The following ADIRF variants were observed in gnomAD, a reference collection of about 807,000 sequenced individuals.
ADIRF encodes adipogenesis factor rich in obesity.
In ADIRF, 9 loss-of-function variants were observed where a neutral mutation model predicts 7.8. The observed-to-expected ratio is 1.15, with a 90% CI of 0.70 to 2.01. The LOEUF is 2.01. Among genes scored for constraint, ADIRF ranks in the 30% most tolerant of loss-of-function variants. The probability of loss-of-function intolerance (pLI) is 0.00; values close to 1 mark genes in which losing one functional copy is unlikely to be tolerated. For synonymous variants in ADIRF, 48 were observed against 39.9 expected, an observed-to-expected ratio of 1.20 and a Z score of -0.77; for missense variants, 106 against 98.1, an observed-to-expected ratio of 1.08 and a Z score of -0.34.
rs764635445 is a variant in ADIRF, at chr10:86,970,292, C to G, written c.124+30C>G. Reference sequence around the variant, plus strand: ...GGTGGGGCTGGAGGGAGGCGGGCAACCCCAGCACACCTCCCACTCCCCGCC... The same window carrying G: ...GGTGGGGCTGGAGGGAGGCGGGCAAGCCCAGCACACCTCCCACTCCCCGCC... On this transcript the variant is annotated intron_variant, in intron 2 of 2. Transcript: ENST00000372013. 6.8e-5 allele frequency: 101 copies of G among 1,488,292 alleles called. No homozygotes were observed. In the South Asian group the frequency reaches 1.0e-3, roughly 15 times the overall value. 92.2% of individuals were successfully genotyped at this position (1,488,292 alleles called of 1,614,324 possible).
chr10:86,968,686 C>T (rs1844516416), intron 1 of ADIRF, 81 bp downstream of exon 1: 4 of 1,511,022 alleles, frequency 2.6e-6, no homozygotes, highest in Non-Finnish European at 3.6e-6. Flanking sequence ...CGGCGCGGTC[C>T]GCAAGTTCCT....
At chr10:86,970,094 C>A in intron 1 of ADIRF, 106 bp from the exon 2 acceptor site, 2 of 1,137,734 alleles carry the variant, frequency 1.8e-6, no homozygotes, top group Non-Finnish European at 2.3e-6. Flanking sequence ...ATCCCTTGGA[C>A]CTGTACCACC....
Position 86,970,509 on chromosome 10 carries a change from C to G in ADIRF, c.158C>G (p.Thr53Ser). The G allele has an allele frequency of 1.2e-6, 2 of 1,613,738 alleles. No homozygotes were observed. The highest frequency in any genetic ancestry group is 1.7e-6 in the Non-Finnish European group (2 of 1,179,904). The part of the protein sequence containing the change: ...MDQLAKTTQE[T>S]IDKTANQASD... ...CAGCTGGCCAAGACCACCCAGGAAA[C>G]CATCGACAAGACTGCTAACCAGGCC... Residue 53 changes from threonine to serine, a missense_variant, in exon 3 of 3, where the codon ACC becomes AGC. By Grantham distance (58) the Thr-to-Ser change is moderately conservative. Coordinates refer to ENST00000372013, the MANE Select transcript of ADIRF (RefSeq NM_006829.3).
intron 1 of ADIRF, chr10:86,969,635 C>G (rs1844542666): frequency 6.6e-6 from 1 of 152,334 alleles, no homozygotes; most frequent in Non-Finnish European, 1.5e-5. Context: ...GTTTTGCCTC[C>G]TTCCTTCATT....
In ADIRF at chr10:86,968,516, C is replaced by A. The variant is rs768932954; in HGVS notation, c.-29C>A. ...AGGATCCAACGTCGCTCCAGCTGCT[C>A]TTGACGACTCCACAGATACCCCGAA... On this transcript the variant is annotated 5_prime_UTR_variant, in exon 1 of 3. Coordinates refer to ENST00000372013, the MANE Select transcript of ADIRF (RefSeq NM_006829.3). 1 of 1,613,192 alleles carries A rather than the reference C, an allele frequency of 6.2e-7. No homozygotes were observed. The highest frequency in any genetic ancestry group is 8.5e-7 in the Non-Finnish European group (1 of 1,179,650).
In ADIRF at chr10:86,970,513, C is replaced by T. The variant is rs367987618; in HGVS notation, c.162C>T (p.Ile54=). ...DQLAKTTQET[I]DKTANQASDT... is the part of the protein sequence containing the mutation. ...TGGCCAAGACCACCCAGGAAACCAT[C>T]GACAAGACTGCTAACCAGGCCTCTG... Residue 54 remains isoleucine (I), a synonymous_variant, in exon 3 of 3, where the codon ATC becomes ATT. Transcript: ENST00000372013. The T allele has an allele frequency of 4.3e-6, 7 of 1,613,652 alleles. No individual in the cohort carries two copies. The highest frequency in any genetic ancestry group is 5.9e-6 in the Non-Finnish European group (7 of 1,179,908).
At chr10:86,970,083 C>T (rs1286087598) in intron 1 of ADIRF, 117 bp from the exon 2 acceptor site, 2 of 979,008 alleles carry the variant, frequency 2.0e-6, no homozygotes, top group African/African-American at 1.7e-5. Context: ...CCATGGCATC[C>T]ATCCCTTGGA....
rs759286743 is a variant in ADIRF at position 86,968,547 on chromosome 10, GGCAA to G, written c.9_12del (p.Ser3ArgfsTer6). ...GACTCCACAGATACCCCGAAGCCATGGCAAGCAAGGGCTTGCAGGACCTGAAGCA... is the reference window on the plus strand; with the variant it reads ...GACTCCACAGATACCCCGAAGCCATGGCAAGGGCTTGCAGGACCTGAAGCA... On this transcript the variant is annotated frameshift_variant, in exon 1 of 3. Transcript: ENST00000372013. LOFTEE classifies it high-confidence loss of function. The G allele has an allele frequency of 3.7e-6, 6 of 1,613,508 alleles. No homozygotes were observed. The highest frequency in any genetic ancestry group is 2.5e-6 in the Non-Finnish European group (3 of 1,179,836).
At chr10:86,970,343 TC>T in intron 2 of ADIRF, 81 bp downstream of exon 2, 1 of 1,512,054 alleles carries the variant, frequency 6.6e-7, no homozygotes. Context: ...CCCAGGCACA[TC>T]CTCTCCTCTG....
Position 86,970,191 on chromosome 10 carries a change from C to T in ADIRF, c.62-9C>T. 6.9e-7 allele frequency: 1 copy of T among 1,446,740 alleles called. No individual in the cohort carries two copies. The highest frequency in any genetic ancestry group is 9.1e-7 in the Non-Finnish European group (1 of 1,096,408). 89.6% of individuals were successfully genotyped at this position (1,446,740 alleles called of 1,614,324 possible). ...AACAGGGGCTAAAAGCCACATCTCTCTGTTCCAGTGTCAGCGGCCGGAGCG... is the reference window on the plus strand; with the variant it reads ...AACAGGGGCTAAAAGCCACATCTCTTTGTTCCAGTGTCAGCGGCCGGAGCG... On this transcript the variant is annotated splice_polypyrimidine_tract_variant and intron_variant, in intron 1 of 2. Coordinates refer to ENST00000372013, the MANE Select transcript of ADIRF (RefSeq NM_006829.3).
In ADIRF at chr10:86,970,568, G is replaced by T; in HGVS notation, c.217G>T (p.Gly73Cys). 6.2e-7 allele frequency: 1 copy of T among 1,610,134 alleles called. No individual in the cohort carries two copies. ...CTTCTCTGGGATTGGGAAAAAATTC[G>T]GCCTCCTGAAATGACAGCAGGGAGA... ...DTFSGIGKKF[G>C]LLK Residue 73 changes from glycine to cysteine, a missense_variant, in exon 3 of 3, where the codon GGC becomes TGC. Transcript: ENST00000372013.
chr10:86,968,940 C>T (rs1316383685), intron 1 of ADIRF: 10 of 299,736 alleles, frequency 3.3e-5, no homozygotes, highest in Non-Finnish European at 6.1e-5. Flanking sequence ...GGGCGCGGCC[C>T]GCCACCACTT....
rs1395764349 is a variant in ADIRF at position 86,970,643 on chromosome 10, T to TTGGG, written c.*62_*63insGGGT. On this transcript the variant is annotated 3_prime_UTR_variant, in exon 3 of 3. Coordinates refer to ENST00000372013, the MANE Select transcript of ADIRF (RefSeq NM_006829.3). ...AGCAGGGAGACTTGGGTGACCCCCC[T>TTGGG]TCCAGGCGCCATCTAGCACAGCCTG... 7.1e-7 allele frequency: 1 copy of TTGGG among 1,398,678 alleles called. No homozygotes were observed. The highest frequency in any genetic ancestry group is 1.2e-5 in the South Asian group (1 of 81,462). 86.6% of individuals were successfully genotyped at this position (1,398,678 alleles called of 1,614,324 possible).
At chr10:86,970,372 A>C (rs745890893) in intron 2 of ADIRF, 104 bp from the exon 3 acceptor site, 1 of 1,508,432 alleles carries the variant, frequency 6.6e-7, no homozygotes, top group South Asian at 1.2e-5. Flanking sequence ...CTCTGTCCAC[A>C]ATGCCCCAAG....
intron 1 of ADIRF, chr10:86,969,975 G>A (rs1564741604): frequency 2.7e-6 from 1 of 368,616 alleles, no homozygotes; most frequent in Non-Finnish European, 4.8e-6. Context: ...CCCCCACAGA[G>A]AAGGAGCTCA....
At position 86,970,742 on chromosome 10, in the gene ADIRF, A is replaced by G; in HGVS notation, c.*160A>G. On this transcript the variant is annotated 3_prime_UTR_variant, in exon 3 of 3. Transcript: ENST00000372013. ...AAATTCACGTTCCCACCCTGTGTCCACTTCATGATTCCTCGCAAGCTGGGC... is the reference window on the plus strand; with the variant it reads ...AAATTCACGTTCCCACCCTGTGTCCGCTTCATGATTCCTCGCAAGCTGGGC... 1 of 710,044 alleles carries G rather than the reference A, an allele frequency of 1.4e-6. No individual in the cohort carries two copies. Among genetic ancestry groups the G allele is most frequent in the Non-Finnish European group, 2.5e-6 (1 of 393,774 alleles). 44.0% of individuals were successfully genotyped at this position (710,044 alleles called of 1,614,324 possible).
In ADIRF at chr10:86,970,519, G is replaced by T. The variant is rs1348221473; in HGVS notation, c.168G>T (p.Lys56Asn). 6.2e-7 allele frequency: 1 copy of T among 1,613,646 alleles called. No individual in the cohort carries two copies. The highest frequency in any genetic ancestry group is 1.1e-5 in the South Asian group (1 of 90,888). ...AGACCACCCAGGAAACCATCGACAA[G>T]ACTGCTAACCAGGCCTCTGACACCT... ...LAKTTQETID[K>N]TANQASDTFS... The change falls in exon 3 of 3, where the codon AAG becomes AAT. Residue 56 changes from lysine to asparagine, a missense_variant. Lys to Asn is a moderately conservative substitution (Grantham distance 94). Coordinates refer to ENST00000372013, the MANE Select transcript of ADIRF (RefSeq NM_006829.3).
At position 86,970,782 on chromosome 10, in the gene ADIRF, C is replaced by A. The variant is rs1332140239; in HGVS notation, c.*200C>A. 1.1e-5 allele frequency: 7 copies of A among 653,702 alleles called. No homozygotes were observed. The highest frequency in any genetic ancestry group is 2.0e-5 in the Non-Finnish European group (7 of 354,688). 40.5% of individuals were successfully genotyped at this position (653,702 alleles called of 1,614,324 possible). On this transcript the variant is annotated 3_prime_UTR_variant, in exon 3 of 3. Coordinates refer to ENST00000372013, the MANE Select transcript of ADIRF (RefSeq NM_006829.3). ...GCAAGCTGGGCCCAGTCCTCTCATCCCAAGAGCAGAGCCACCGTAGCCGGA... is the reference window on the plus strand; with the variant it reads ...GCAAGCTGGGCCCAGTCCTCTCATCACAAGAGCAGAGCCACCGTAGCCGGA...
intron 1 of ADIRF, 118 bp from the exon 2 acceptor site, chr10:86,970,082 C>T (rs1404360597): frequency 5.1e-6 from 5 of 971,160 alleles, no homozygotes; most frequent in Non-Finnish European, 6.9e-6. Context: ...TCCATGGCAT[C>T]CATCCCTTGG....
Sources: gnomAD v4.1 joint callset for allele counts on GRCh38, gnomAD v4.1.1 for gene constraint, MANE v1.5 for transcripts, NCBI Gene and HGNC (gene_info 2026-07-23, HGNC 2026-07-21) for gene names.